RCL1: variants seen among roughly 807,000 people sequenced by gnomAD.
RCL1 encodes RNA terminal phosphate cyclase like 1.
RCL1 carries 24 observed loss-of-function variants against 42.4 expected under a neutral mutation model. That is an observed-to-expected ratio of 0.57 (90% CI 0.41 to 0.80). The LOEUF is 0.80. RCL1 is among the 30% of genes least tolerant of loss of function. RCL1 has a pLI of 0.00. For synonymous variants in RCL1, 228 were observed against 177.3 expected (o/e 1.29, Z -2.27); for missense variants, 578 against 467.9 (o/e 1.24, Z -2.17).
In RCL1 at chr9:4,793,170, G is replaced by T; in HGVS notation, c.79G>T (p.Gly27Trp). The change falls in exon 1 of 9, where the codon GGG becomes TGG. Residue 27 changes from glycine (G) to tryptophan (W), a missense_variant. Gly to Trp is a radical substitution (Grantham distance 184). Coordinates refer to ENST00000381750, the MANE Select transcript of RCL1 (RefSeq NM_005772.5). ...RQRLVLSTLS[G>W]RPVKIRKIRA... ...ACGTCTGGTCCTGTCTACCCTGAGCGGGCGCCCCGTCAAAATCCGAAAGAT... is the reference window on the plus strand; with the variant it reads ...ACGTCTGGTCCTGTCTACCCTGAGCTGGCGCCCCGTCAAAATCCGAAAGAT... 1 of 1,611,634 alleles carries T rather than the reference G, an allele frequency of 6.2e-7. No homozygotes were observed. The highest frequency in any genetic ancestry group is 2.2e-5 in the East Asian group (1 of 44,764).
chr9:4,805,217 CAAAA>C (rs914526751), intron 1 of RCL1, among the ~76,000 whole-genome samples: 8 of 151,874 alleles, frequency 5.3e-5, no homozygotes, highest in African/African-American at 1.7e-4. Flanking sequence ...ATAAGCAAAA[CAAAA>C]AAAACAAACA....
At chr9:4,855,544 T>C (rs919672534) in intron 8 of RCL1, among the ~76,000 whole-genome samples, 1 of 152,202 alleles carries the variant, frequency 6.6e-6, no homozygotes, top group Non-Finnish European at 1.5e-5. Context: ...GACAAGACTT[T>C]GTTCAAGTGC....
At chr9:4,854,601 C>T (rs1297534544) in intron 8 of RCL1, among the ~76,000 whole-genome samples, 1 of 152,116 alleles carries the variant, frequency 6.6e-6, no homozygotes, top group Non-Finnish European at 1.5e-5. Flanking sequence ...CAATCTCTCA[C>T]ATGCTTCAAA....
chr9:4,848,664 A>G (rs146846016), intron 7 of RCL1, among the ~76,000 whole-genome samples: 7 of 152,378 alleles, frequency 4.6e-5, no homozygotes, highest in African/African-American at 1.7e-4. Flanking sequence ...TTGTATGCTT[A>G]TGTATGCGTC....
At position 4,835,123 on chromosome 9, in the gene RCL1, A is replaced by G. The variant is rs1246710384; in HGVS notation, c.584+858A>G. Reference sequence around the variant, plus strand: ...AAGTAATGAAGTGTGGCCAGATTTCAGGTTGGTCTATGGCATTTGATGGTA... The same window carrying G: ...AAGTAATGAAGTGTGGCCAGATTTCGGGTTGGTCTATGGCATTTGATGGTA... On this transcript the variant is annotated intron_variant, in intron 5 of 8. Transcript: ENST00000381750. 3.3e-5 allele frequency among the ~76,000 whole-genome samples: 5 copies of G among 152,186 alleles called. No individual in the cohort carries two copies. In the East Asian group the frequency reaches 5.8e-4, roughly 18 times the overall value.
chr9:4,843,113 G>C (rs921780624), intron 6 of RCL1, among the ~76,000 whole-genome samples: 5 of 152,284 alleles, frequency 3.3e-5, no homozygotes, highest in Non-Finnish European at 7.4e-5. Flanking sequence ...ATTTAAATTT[G>C]TGTTTGGTTT....
intron 6 of RCL1, among the ~76,000 whole-genome samples, chr9:4,843,120 G>GT (rs1011736419): frequency 5.3e-5 from 8 of 152,272 alleles, no homozygotes; most frequent in East Asian, 1.9e-4. Flanking sequence ...TTTGTGTTTG[G>GT]TTTTTTTAAA....
intron 1 of RCL1, 76 bp from the exon 2 acceptor site, chr9:4,823,472 A>G (rs752211209): frequency 3.6e-6 from 4 of 1,120,778 alleles, no homozygotes; most frequent in Non-Finnish European, 5.3e-6. Context: ...TGAATCAGGC[A>G]TGTGCTCTGG....
chr9:4,827,050 A>C lies in RCL1; in HGVS notation c.384+17A>C. Reference sequence around the variant, plus strand: ...GACCCTTCAGTGAGTATTGAGAACAAACCGTGGTGTGGTTTTTGTTTTGTC... The same window carrying C: ...GACCCTTCAGTGAGTATTGAGAACACACCGTGGTGTGGTTTTTGTTTTGTC... On this transcript the variant is annotated intron_variant, in intron 3 of 8. Coordinates refer to ENST00000381750, the MANE Select transcript of RCL1 (RefSeq NM_005772.5). The C allele has an allele frequency of 6.2e-7, 1 of 1,614,164 alleles. No individual in the cohort carries two copies. The highest frequency in any genetic ancestry group is 8.5e-7 in the Non-Finnish European group (1 of 1,180,004).
intron 1 of RCL1, among the ~76,000 whole-genome samples, chr9:4,795,535 C>T (rs1000436742): frequency 5.9e-5 from 9 of 152,182 alleles, no homozygotes; most frequent in African/African-American, 2.2e-4. Context: ...GATTTCTGGT[C>T]ATAATCAAGG....
chr9:4,794,991 C>G (rs139598408), intron 1 of RCL1, among the ~76,000 whole-genome samples: 1 of 152,148 alleles, frequency 6.6e-6, no homozygotes, highest in African/African-American at 2.4e-5. Flanking sequence ...CGTTCATATA[C>G]CAGGGGAAGA....
intron 1 of RCL1, among the ~76,000 whole-genome samples, chr9:4,815,648 A>G (rs296841): frequency 0.34 from 51,247 of 151,366 alleles, 10,140 homozygotes; most frequent in Non-Finnish European, 0.44. Flanking sequence ...GGAAAAGGGG[A>G]GTTTTTGCTG....
intron 1 of RCL1, among the ~76,000 whole-genome samples, chr9:4,801,714 G>A (rs993043122): frequency 2.8e-4 from 40 of 145,366 alleles, no homozygotes; most frequent in African/African-American, 1.0e-3. Flanking sequence ...CTTGGGTTGC[G>A]ATTCTTTTTT....
At chr9:4,833,034 A>G in intron 3 of RCL1, 120 bp from the exon 4 acceptor site, 1 of 689,860 alleles carries the variant, frequency 1.4e-6, no homozygotes. Context: ...ATATGCCAGC[A>G]TCCTTTCTGT....
At chr9:4,854,223 C>T (rs941475415) in intron 8 of RCL1, among the ~76,000 whole-genome samples, 1 of 152,170 alleles carries the variant, frequency 6.6e-6, no homozygotes, top group African/African-American at 2.4e-5. Context: ...CCTGACAGTG[C>T]AGCTAGCCTA....
At chr9:4,799,947 T>G (rs1238873072) in intron 1 of RCL1, among the ~76,000 whole-genome samples, 1 of 152,098 alleles carries the variant, frequency 6.6e-6, no homozygotes, top group Admixed American at 6.5e-5. Flanking sequence ...TTCATATGGG[T>G]TGTTGCTGCC....
At chr9:4,831,332 C>T (rs1316423379) in intron 3 of RCL1, among the ~76,000 whole-genome samples, 3 of 152,164 alleles carry the variant, frequency 2.0e-5, no homozygotes, top group South Asian at 2.1e-4. Context: ...TCGAGAGAGC[C>T]GGTGGCTGCC....
At position 4,833,187 on chromosome 9, in the gene RCL1, T is replaced by C. The variant is rs763888259; in HGVS notation, c.418T>C (p.Leu140=). ...TCTTAAGGCAACAGCACTCCCTTTG[T>C]TGAAACAATTTGGGATTGATGGTGA... The part of the protein sequence containing the change: ...DVLKATALPL[L]KQFGIDGESF... The change falls in exon 4 of 9, where the codon TTG becomes CTG. Residue 140 remains leucine, a synonymous_variant. Transcript: ENST00000381750. 5 of 1,613,452 alleles carry C rather than the reference T, an allele frequency of 3.1e-6. No individual in the cohort carries two copies. Among genetic ancestry groups the C allele is most frequent in the Non-Finnish European group, 4.2e-6 (5 of 1,179,350 alleles).
intron 6 of RCL1, among the ~76,000 whole-genome samples, chr9:4,843,292 G>A (rs901730500): frequency 6.6e-6 from 1 of 152,168 alleles, no homozygotes; most frequent in African/African-American, 2.4e-5. Context: ...AACCTTAGGG[G>A]ACAGCACTTC....
Sources: allele counts gnomAD v4.1 joint callset (sites outside exome capture counted in the v4.1 genomes callset), GRCh38; gene constraint gnomAD v4.1.1; transcripts MANE v1.5; gene names NCBI Gene and HGNC (gene_info 2026-07-23, HGNC 2026-07-21).